The following ROBO2 variants were observed in gnomAD, a reference collection of about 807,000 sequenced individuals.
ROBO2 encodes the protein roundabout guidance receptor 2.
A neutral mutation model predicts 160.8 loss-of-function variants in ROBO2; 53 were observed. The ratio of observed to expected loss-of-function variants is 0.33; its 90% confidence interval spans 0.26 to 0.41. The LOEUF (loss-of-function observed/expected upper bound fraction) is 0.41, where lower values mean the gene tolerates loss of function less well. Ranked by LOEUF, ROBO2 falls within the 10% of genes least tolerant of loss-of-function variation. The pLI is 1.00. For synonymous variants in ROBO2, 664 were observed against 611.7 expected, an observed-to-expected ratio of 1.09 and a Z score of -1.26; for missense variants, 1,577 against 1,722.4, an observed-to-expected ratio of 0.92 and a Z score of 1.49.
At chr3:76,117,780 C>T (rs1160863834) in intron 2 of ROBO2, among the ~76,000 whole-genome samples, 1 of 152,034 alleles carries the variant, frequency 6.6e-6, no homozygotes, top group Non-Finnish European at 1.5e-5. Flanking sequence ...ATAAAAGACA[C>T]AAATGAATTT....
At chr3:77,455,954 G>A (rs1459951288) in intron 2 of ROBO2, among the ~76,000 whole-genome samples, 2 of 152,084 alleles carry the variant, frequency 1.3e-5, no homozygotes, top group African/African-American at 4.8e-5. Flanking sequence ...CAAAGTAAAT[G>A]CAAATGTTTA....
intron 2 of ROBO2, among the ~76,000 whole-genome samples, chr3:77,312,269 C>T (rs1417131478): frequency 6.6e-6 from 1 of 152,088 alleles, no homozygotes; most frequent in Non-Finnish European, 1.5e-5. Flanking sequence ...TTTGTGATTA[C>T]ATATCTAGAC....
At chr3:77,580,654 C>T (rs1399874515) in intron 16 of ROBO2, among the ~76,000 whole-genome samples, 2 of 152,106 alleles carry the variant, frequency 1.3e-5, no homozygotes, top group Non-Finnish European at 2.9e-5. Context: ...TAAATGGAAT[C>T]ATACAGAATG....
At chr3:76,935,518 A>C (rs778815165) in intron 2 of ROBO2, among the ~76,000 whole-genome samples, 43 of 152,088 alleles carry the variant, frequency 2.8e-4, no homozygotes, top group Admixed American at 2.3e-3. Context: ...CTTTTGGAGT[A>C]CTGATGGTGT....
At chr3:76,109,506 G>A (rs1022301804) in intron 2 of ROBO2, among the ~76,000 whole-genome samples, 4 of 151,964 alleles carry the variant, frequency 2.6e-5, no homozygotes, top group African/African-American at 9.7e-5. Context: ...ACACCTTGGA[G>A]TCACCACTTT....
At position 76,982,069 on chromosome 3, in the gene ROBO2, G is replaced by A. The variant is rs185375111; in HGVS notation, c.110-115945G>A. Among the ~76,000 whole-genome samples, 719 of 152,210 alleles carry A rather than the reference G, an allele frequency of 4.7e-3. 6 individuals carry two copies. The highest frequency in any genetic ancestry group is 7.9e-3 in the Admixed American group (120 of 15,284). ...ATCAGTATTCTTTGAACTAAAAAAA[G>A]CCTTTTAATTTTGGTGAAGTCCAAT... On this transcript the variant is annotated intron_variant, in intron 2 of 26. Transcript: ENST00000487694.
At chr3:77,060,366 G>A (rs1001154629) in intron 1 of ROBO2, among the ~76,000 whole-genome samples, 3 of 152,090 alleles carry the variant, frequency 2.0e-5, no homozygotes, top group African/African-American at 7.2e-5. Flanking sequence ...GAAGAATTCC[G>A]CATCTAGTCC....
intron 2 of ROBO2, among the ~76,000 whole-genome samples, chr3:76,272,680 AAT>A (rs796415773): frequency 7.5e-6 from 1 of 133,108 alleles, no homozygotes; most frequent in Non-Finnish European, 1.5e-5. Flanking sequence ...TACACATATA[AAT>A]ATATATATAT....
At chr3:76,851,597 C>T (rs1000198129) in intron 2 of ROBO2, among the ~76,000 whole-genome samples, 3 of 149,508 alleles carry the variant, frequency 2.0e-5, no homozygotes, top group African/African-American at 5.0e-5. Flanking sequence ...TAGCCGGGCG[C>T]GGTGGCGGGC....
intron 2 of ROBO2, among the ~76,000 whole-genome samples, chr3:76,841,685 T>G (rs959319953): frequency 6.6e-6 from 1 of 152,204 alleles, no homozygotes; most frequent in Non-Finnish European, 1.5e-5. Context: ...GGTGTTTTGT[T>G]CATGCCACCT....
chr3:77,609,307 A>G (rs1218816424), intron 21 of ROBO2, among the ~76,000 whole-genome samples: 1 of 152,110 alleles, frequency 6.6e-6, no homozygotes, highest in East Asian at 1.9e-4. Context: ...ATCTTAATTT[A>G]TATTAATGTT....
intron 2 of ROBO2, among the ~76,000 whole-genome samples, chr3:76,832,790 TTG>T (rs1243511178): frequency 6.6e-6 from 1 of 152,196 alleles, no homozygotes; most frequent in African/African-American, 2.4e-5. Flanking sequence ...AAATAAGTTC[TTG>T]TTCAGGGCGG....
At chr3:76,292,271 A>G (rs137993826) in intron 2 of ROBO2, among the ~76,000 whole-genome samples, 1 of 152,326 alleles carries the variant, frequency 6.6e-6, no homozygotes, top group African/African-American at 2.4e-5. Flanking sequence ...CAACATTAGT[A>G]GGCAGATGAT....
intron 23 of ROBO2, among the ~76,000 whole-genome samples, chr3:77,626,506 G>C (rs556990027): frequency 2.0e-5 from 3 of 152,246 alleles, no homozygotes; most frequent in South Asian, 4.2e-4. Context: ...AAACATAAAG[G>C]CTTGTTTCTG....
chr3:77,649,189 T>C (rs897898078), exon 26 of ROBO2: 1 of 152,166 alleles, frequency 6.6e-6, no homozygotes, highest in African/African-American at 2.4e-5. Context: ...AACCAACATA[T>C]AAGGTATCAC....
chr3:75,993,611 G>A (rs565263771), intron 2 of ROBO2, among the ~76,000 whole-genome samples: 27 of 151,810 alleles, frequency 1.8e-4, no homozygotes, highest in Admixed American at 5.2e-4. Context: ...TTTTTAATTC[G>A]CAATTTTAGG....
At chr3:77,553,691 C>A (rs1597093) in intron 8 of ROBO2, among the ~76,000 whole-genome samples, 84,902 of 151,702 alleles carry the variant, frequency 0.56, 23,825 homozygotes, top group Middle Eastern at 0.68. Context: ...CAGTGAGTCA[C>A]AACATTCCCT....
intron 2 of ROBO2, among the ~76,000 whole-genome samples, chr3:76,990,993 T>C (rs1314060795): frequency 1.3e-5 from 2 of 152,166 alleles, no homozygotes; most frequent in Non-Finnish European, 1.5e-5. Flanking sequence ...CCCAGAAGCA[T>C]GCCAACTTGT....
chr3:76,029,708 C>T (rs1029806523), intron 2 of ROBO2, among the ~76,000 whole-genome samples: 7 of 151,938 alleles, frequency 4.6e-5, no homozygotes, highest in East Asian at 1.9e-4. Flanking sequence ...ATCCTTTTTA[C>T]GGCTGCATAG....
Sources: allele counts gnomAD v4.1 joint callset (sites outside exome capture counted in the v4.1 genomes callset), GRCh38; gene constraint gnomAD v4.1.1; transcripts MANE v1.5; gene names NCBI Gene and HGNC (gene_info 2026-07-23, HGNC 2026-07-21).